The following TMEM144 variants were observed in gnomAD, a reference collection of about 807,000 sequenced individuals.
The protein encoded by TMEM144 is transmembrane protein 144.
A neutral mutation model predicts 43.6 loss-of-function variants in TMEM144; 39 were observed. The observed-to-expected ratio is 0.90, with a 90% CI of 0.69 to 1.17. The LOEUF (loss-of-function observed/expected upper bound fraction) is 1.17. Ranked by LOEUF, TMEM144 falls within the 50% of genes most tolerant of loss-of-function variation. The pLI is 0.00. For missense variants in TMEM144, 417 were observed against 411.9 expected (o/e 1.01, Z -0.11); for synonymous variants, 154 against 133.6 (o/e 1.15, Z -1.06).
intron 8 of TMEM144, among the ~76,000 whole-genome samples, chr4:158,236,707 A>G (rs547655495): frequency 8.4e-4 from 127 of 152,004 alleles, no homozygotes; most frequent in Admixed American, 3.7e-3. Flanking sequence ...TTTTTTAGAG[A>G]CAAGGTCTCA....
intron 4 of TMEM144, among the ~76,000 whole-genome samples, chr4:158,216,430 G>C (rs1405206471): frequency 6.6e-6 from 1 of 152,190 alleles, no homozygotes. Context: ...GAACATGTTT[G>C]AAAGAGAAAA....
At chr4:158,220,522 C>A (rs1397747508) in intron 6 of TMEM144, among the ~76,000 whole-genome samples, 1 of 152,192 alleles carries the variant, frequency 6.6e-6, no homozygotes, top group Non-Finnish European at 1.5e-5. Flanking sequence ...ATCAATTATT[C>A]ATGTTCTACC....
In TMEM144 at chr4:158,221,178, C is replaced by T. The variant is rs563280163; in HGVS notation, c.413+1788C>T. On this transcript the variant is annotated intron_variant, in intron 6 of 12. Transcript: ENST00000296529. ...AGTGTCTATCAGTCTGTATACAAAA[C>T]CTCTCCAGGTATTTTAAACAGGAGA... 2.0e-5 allele frequency among the ~76,000 whole-genome samples: 3 copies of T among 152,232 alleles called. No individual in the cohort carries two copies. In the South Asian group the frequency reaches 6.2e-4, roughly 32 times the overall value.
chr4:158,240,142 C>T (rs946367947), intron 9 of TMEM144, among the ~76,000 whole-genome samples, 157 bp from the exon 10 acceptor site: 1 of 152,132 alleles, frequency 6.6e-6, no homozygotes, highest in South Asian at 2.1e-4. Flanking sequence ...GGCTCGGCCT[C>T]CCAAAGTGCT....
intron 4 of TMEM144, among the ~76,000 whole-genome samples, chr4:158,216,985 G>A (rs1734254385): frequency 6.6e-6 from 1 of 152,136 alleles, no homozygotes; most frequent in Non-Finnish European, 1.5e-5. Flanking sequence ...CCTAATTCAA[G>A]TCTAAGAGGA....
At position 158,240,180 on chromosome 4, in the gene TMEM144, C is replaced by T. The variant is rs939093745; in HGVS notation, c.683-119C>T. The T allele has an allele frequency of 1.3e-5, 16 of 1,226,834 alleles. No individual in the cohort carries two copies. In the African/African-American group the frequency reaches 2.0e-4, roughly 15 times the overall value. 76.0% of individuals were successfully genotyped at this position (1,226,834 alleles called of 1,614,324 possible). A position where few individuals can be genotyped will look rare whatever the true frequency, so the allele number is the denominator to read the frequency against. ...GATTACAGGTGTGAGCCACTGCGCT[C>T]TGCCTAATTAATGGTTTATTTGCCT... On this transcript the variant is annotated intron_variant, in intron 9 of 12. Transcript: ENST00000296529.
chr4:158,243,166 T>C (rs1735710925), intron 11 of TMEM144, among the ~76,000 whole-genome samples: 1 of 152,214 alleles, frequency 6.6e-6, no homozygotes, highest in Non-Finnish European at 1.5e-5. Flanking sequence ...TATCCTCTGT[T>C]CTATTGTTTC....
chr4:158,251,795 T>A (rs1295148225), intron 12 of TMEM144, among the ~76,000 whole-genome samples: 3 of 152,214 alleles, frequency 2.0e-5, no homozygotes, highest in African/African-American at 7.2e-5. Flanking sequence ...AAAGAAATGA[T>A]GAAAATAGGA....
intron 12 of TMEM144, among the ~76,000 whole-genome samples, chr4:158,252,590 T>C (rs529629111): frequency 4.6e-5 from 7 of 152,036 alleles, no homozygotes. Context: ...GGCAGATCAC[T>C]TGAGGTCAGG....
At chr4:158,238,758 G>A (rs1735482734) in intron 9 of TMEM144, among the ~76,000 whole-genome samples, 1 of 152,096 alleles carries the variant, frequency 6.6e-6, no homozygotes, top group African/African-American at 2.4e-5. Flanking sequence ...ATGAGCACAA[G>A]ATAAAAACAA....
At chr4:158,235,046 A>G in intron 7 of TMEM144, 1 of 155,012 alleles carries the variant, frequency 6.5e-6, no homozygotes, top group East Asian at 1.9e-4. Flanking sequence ...CTAATTTAGT[A>G]AAAAAAACAA....
chr4:158,246,457 T>A (rs965197740), intron 12 of TMEM144, among the ~76,000 whole-genome samples: 8 of 152,226 alleles, frequency 5.3e-5, no homozygotes, highest in African/African-American at 1.9e-4. Flanking sequence ...TATTTTGATT[T>A]AAAATCCATT....
chr4:158,212,515 C>T (rs1039045111), intron 2 of TMEM144, 93 bp from the exon 3 acceptor site: 6 of 549,538 alleles, frequency 1.1e-5, no homozygotes, highest in East Asian at 2.9e-5. Flanking sequence ...GGAGTCTTAG[C>T]GTGCTTTTGA....
In TMEM144 at chr4:158,253,573, C is replaced by A; in HGVS notation, c.*46C>A. The A allele has an allele frequency of 6.8e-7, 1 of 1,468,130 alleles. No homozygotes were observed. The highest frequency in any genetic ancestry group is 1.2e-5 in the South Asian group (1 of 86,944). The allele number at this position is 1,468,130 out of a possible 1,614,324, so 90.9% of individuals were successfully genotyped here. On this transcript the variant is annotated 3_prime_UTR_variant, in exon 13 of 13. Coordinates refer to ENST00000296529, the MANE Select transcript of TMEM144 (RefSeq NM_018342.5). ...GGCAGCAGTAGTTAAGAGAACGCGT[C>A]TATCGGACAGCGGAGAGATCATGCT...
chr4:158,214,346 T>C (rs1398240318), intron 3 of TMEM144, among the ~76,000 whole-genome samples: 2 of 152,210 alleles, frequency 1.3e-5, no homozygotes, highest in Admixed American at 1.3e-4. Flanking sequence ...TCTTTTGTCA[T>C]GGAGATTAGC....
At chr4:158,247,624 AAATGCTATTAAT>A (rs986348639) in intron 12 of TMEM144, among the ~76,000 whole-genome samples, 4 of 152,148 alleles carry the variant, frequency 2.6e-5, no homozygotes, top group Non-Finnish European at 5.9e-5. Flanking sequence ...CGAGGAAAAT[AAATGCTATTAAT>A]AATAACCACA....
chr4:158,230,351 C>G (rs1435545832), intron 6 of TMEM144, among the ~76,000 whole-genome samples: 4 of 152,238 alleles, frequency 2.6e-5, no homozygotes, highest in Admixed American at 6.5e-5. Flanking sequence ...CCTTGGTTGC[C>G]AGTGAAGGAG....
chr4:158,227,840 A>T (rs1734852122), intron 6 of TMEM144, among the ~76,000 whole-genome samples: 1 of 137,456 alleles, frequency 7.3e-6, no homozygotes, highest in African/African-American at 3.1e-5. Context: ...TCTACTTTAC[A>T]CAAAGTTTTA....
chr4:158,248,564 T>C (rs1433462142), intron 12 of TMEM144, among the ~76,000 whole-genome samples: 1 of 152,226 alleles, frequency 6.6e-6, no homozygotes, highest in Non-Finnish European at 1.5e-5. Flanking sequence ...AAATTTTAAA[T>C]ACTTACATGC....
Sources: allele counts gnomAD v4.1 joint callset (sites outside exome capture counted in the v4.1 genomes callset), GRCh38; gene constraint gnomAD v4.1.1; transcripts MANE v1.5; gene names NCBI Gene and HGNC (gene_info 2026-07-23, HGNC 2026-07-21).